ZMAT4: variants seen among roughly 807,000 people sequenced by gnomAD.
The protein encoded by ZMAT4 is zinc finger matrin-type 4, also known as zinc finger matrin-type protein 4.
A neutral mutation model predicts 28.7 loss-of-function variants in ZMAT4; 17 were observed. That is an observed-to-expected ratio of 0.59 (90% CI 0.41 to 0.89). ZMAT4 has a LOEUF of 0.89. ZMAT4 is among the 40% of genes least tolerant of loss of function. ZMAT4 has a pLI of 0.00. For synonymous variants in ZMAT4, 117 were observed against 109.2 expected (o/e 1.07, Z -0.44); for missense variants, 240 against 283.8 (o/e 0.85, Z 1.11).
At chr8:40,842,341 C>G (rs1010971805) in intron 1 of ZMAT4, among the ~76,000 whole-genome samples, 1 of 152,224 alleles carries the variant, frequency 6.6e-6, no homozygotes, top group African/African-American at 2.4e-5. Context: ...ATCCGGGGGT[C>G]TTTCCAGAGC....
At chr8:40,730,762 G>A (rs1811502130) in intron 3 of ZMAT4, among the ~76,000 whole-genome samples, 1 of 152,206 alleles carries the variant, frequency 6.6e-6, no homozygotes, top group Admixed American at 6.5e-5. Flanking sequence ...ATTCTGGGAA[G>A]ATCATGGGAG....
chr8:40,716,362 G>A (rs1229124552), intron 3 of ZMAT4, among the ~76,000 whole-genome samples: 4 of 152,156 alleles, frequency 2.6e-5, no homozygotes, highest in Admixed American at 2.6e-4. Context: ...ACTACAGGAG[G>A]TGTTTCCTTG....
intron 4 of ZMAT4, among the ~76,000 whole-genome samples, chr8:40,696,311 G>A (rs1809882073): frequency 6.6e-6 from 1 of 152,152 alleles, no homozygotes; most frequent in African/African-American, 2.4e-5. Flanking sequence ...TAAAAGCCAA[G>A]CATTGTTTTA....
chr8:40,786,094 A>G (rs1419593385), intron 2 of ZMAT4, among the ~76,000 whole-genome samples: 1 of 152,194 alleles, frequency 6.6e-6, no homozygotes, highest in Non-Finnish European at 1.5e-5. Flanking sequence ...TCCTTGCTGA[A>G]TTAGGAAGCC....
intron 3 of ZMAT4, among the ~76,000 whole-genome samples, chr8:40,729,845 C>A (rs1441599042): frequency 1.3e-5 from 2 of 152,106 alleles, no homozygotes; most frequent in Non-Finnish European, 2.9e-5. Context: ...GATCCGCCTG[C>A]CTTGGCCTCC....
chr8:40,577,131 T>G (rs1051070697), intron 6 of ZMAT4, among the ~76,000 whole-genome samples: 2 of 152,048 alleles, frequency 1.3e-5, no homozygotes, highest in Non-Finnish European at 2.9e-5. Flanking sequence ...GAGGCAGAAG[T>G]TGCAGTGAGC....
chr8:40,709,911 G>A (rs1003532392), intron 3 of ZMAT4, among the ~76,000 whole-genome samples: 2 of 151,858 alleles, frequency 1.3e-5, no homozygotes, highest in African/African-American at 4.8e-5. Context: ...GGTGGTGCTC[G>A]CCTGTAATCT....
intron 2 of ZMAT4, among the ~76,000 whole-genome samples, chr8:40,785,259 ACAGCTCTC>A (rs1814020154): frequency 1.3e-5 from 2 of 152,336 alleles, no homozygotes; most frequent in South Asian, 2.1e-4. Context: ...CTGACCTCTC[ACAGCTCTC>A]ATTGTCTTGG....
At chr8:40,719,086 T>G (rs1280321829) in intron 3 of ZMAT4, among the ~76,000 whole-genome samples, 2 of 152,100 alleles carry the variant, frequency 1.3e-5, no homozygotes, top group Non-Finnish European at 2.9e-5. Context: ...TTTAAATGCA[T>G]TACCCCAAAC....
chr8:40,547,369 G>C (rs886615495), intron 6 of ZMAT4, among the ~76,000 whole-genome samples: 1 of 152,172 alleles, frequency 6.6e-6, no homozygotes, highest in African/African-American at 2.4e-5. Context: ...GAAAGCAGCA[G>C]CTCGCTGTTA....
intron 2 of ZMAT4, among the ~76,000 whole-genome samples, chr8:40,790,478 C>A (rs370156045): frequency 5.3e-5 from 8 of 151,998 alleles, no homozygotes; most frequent in Non-Finnish European, 2.9e-5. Context: ...GTGGTGTGAT[C>A]ATAGAGAATT....
intron 1 of ZMAT4, among the ~76,000 whole-genome samples, chr8:40,838,803 G>C (rs922603022): frequency 1.3e-5 from 2 of 152,154 alleles, no homozygotes; most frequent in Admixed American, 6.5e-5. Context: ...GTGAAGGAAG[G>C]ATTTGGAAGG....
chr8:40,595,110 A>G (rs527481406), intron 5 of ZMAT4, among the ~76,000 whole-genome samples: 7 of 152,292 alleles, frequency 4.6e-5, no homozygotes, highest in Admixed American at 3.9e-4. Flanking sequence ...GTGTAATTGC[A>G]CGTTTTTTAT....
At chr8:40,555,975 C>T (rs1350788112) in intron 6 of ZMAT4, among the ~76,000 whole-genome samples, 2 of 152,262 alleles carry the variant, frequency 1.3e-5, no homozygotes, top group East Asian at 3.9e-4. Context: ...CTTTATCTTA[C>T]CATATTTCTC....
At chr8:40,769,787 T>C (rs544212405) in intron 2 of ZMAT4, among the ~76,000 whole-genome samples, 293 of 86,538 alleles carry the variant, frequency 3.4e-3, no homozygotes, top group African/African-American at 0.012. Context: ...TTTGTGGCTG[T>C]TTTTTTTTTT....
At chr8:40,851,095 G>A (rs1015761839) in intron 1 of ZMAT4, among the ~76,000 whole-genome samples, 3 of 152,098 alleles carry the variant, frequency 2.0e-5, no homozygotes, top group African/African-American at 7.2e-5. Flanking sequence ...GGGAGACCGC[G>A]GTAGGCAGAT....
At chr8:40,884,511 C>G (rs1428186547) in intron 1 of ZMAT4, 1 of 152,178 alleles carries the variant, frequency 6.6e-6, no homozygotes, top group African/African-American at 2.4e-5. Flanking sequence ...CTTGAACTCA[C>G]TCCAAAGAGC....
At chr8:40,656,593 AAAT>A (rs1807933072) in intron 5 of ZMAT4, among the ~76,000 whole-genome samples, 1 of 152,166 alleles carries the variant, frequency 6.6e-6, no homozygotes, top group African/African-American at 2.4e-5. Flanking sequence ...AAATATCATT[AAAT>A]AATAAAAATG....
chr8:40,631,078 A>C (rs1214255239), intron 5 of ZMAT4, among the ~76,000 whole-genome samples: 3 of 152,124 alleles, frequency 2.0e-5, no homozygotes. Context: ...CAATAGCAAC[A>C]TGTGGCTCTT....
Sources: gnomAD v4.1 joint callset for allele counts (sites outside exome capture counted in the v4.1 genomes callset) on GRCh38, gnomAD v4.1.1 for gene constraint, MANE v1.5 for transcripts, NCBI Gene and HGNC (gene_info 2026-07-23, HGNC 2026-07-21) for gene names.